The following TRANK1 variants were observed in gnomAD, a reference collection of about 807,000 sequenced individuals.
TRANK1 encodes tetratricopeptide repeat and ankyrin repeat containing 1, also known as TPR and ankyrin repeat-containing protein 1.
In TRANK1, 198 loss-of-function variants were observed where a neutral mutation model predicts 266.0. The observed-to-expected ratio is 0.74, with a 90% CI of 0.66 to 0.84. The LOEUF is 0.84. Among genes scored for constraint, TRANK1 ranks in the 40% least tolerant of loss-of-function variants. TRANK1 has a pLI of 0.00. For missense variants in TRANK1, 3,326 were observed against 3,634.6 expected (o/e 0.92, Z 2.18); for synonymous variants, 1,396 against 1,384.1 (o/e 1.01, Z -0.19).
rs1343833459 is a variant in TRANK1, at chr3:36,851,838, C to T, written c.4768G>A (p.Glu1590Lys). The T allele has an allele frequency of 6.2e-7, 1 of 1,602,152 alleles. No individual in the cohort carries two copies. Among genetic ancestry groups the T allele is most frequent in the African/African-American group, 1.3e-5 (1 of 74,686 alleles). ...GAHQVILVAN[E>K]TAKEKIPEEL... The stretch of plus-strand genomic sequence containing the variant: ...TCTGGAATTTTCTCCTTTGCCGTTT[C>T]ATTGGCCACAAGGATTACCTGAAGA... Residue 1590 changes from glutamate (E) to lysine (K), a missense_variant, in exon 15 of 24, where the codon GAA becomes AAA. Transcript: ENST00000645898.
chr3:36,856,889 C>T lies in TRANK1; in HGVS notation c.2833G>A (p.Val945Ile), dbSNP rs368536894. Reference protein sequence around the residue: ...YTEIIRIWDIVLDHCKLADSI... With the variant: ...YTEIIRIWDIILDHCKLADSI... Reference sequence around the variant, plus strand: ...TCAGCCAGTTTGCAGTGATCTAAGACGATGTCCCAAATCCGGATGATTTCC... The same window carrying T: ...TCAGCCAGTTTGCAGTGATCTAAGATGATGTCCCAAATCCGGATGATTTCC... The change falls in exon 13 of 24, where the codon GTC (valine) becomes ATC (isoleucine). Residue 945 changes from valine to isoleucine, a missense_variant. Physicochemically the swap from Val to Ile is conservative, Grantham distance 29. Transcript: ENST00000645898. The T allele has an allele frequency of 8.2e-5, 132 of 1,613,858 alleles. No individual in the cohort carries two copies. Among genetic ancestry groups the T allele is most frequent in the Middle Eastern group, 3.3e-4 (2 of 6,082 alleles).
In TRANK1 at chr3:36,827,500, T is replaced by G. The variant is rs1178469410; in HGVS notation, c.*775A>C. On this transcript the variant is annotated 3_prime_UTR_variant, in exon 24 of 24. Coordinates refer to ENST00000645898, the MANE Select transcript of TRANK1 (RefSeq NM_001329998.2). Reference sequence around the variant, plus strand: ...GTCTGCACCATAGCCAAGGCAGAGTTAGGACCACTTTGGAGAGGCAGCTGG... The same window carrying G: ...GTCTGCACCATAGCCAAGGCAGAGTGAGGACCACTTTGGAGAGGCAGCTGG... 6.6e-6 allele frequency: 1 copy of G among 152,264 alleles called. No individual in the cohort carries two copies. Among genetic ancestry groups the G allele is most frequent in the Non-Finnish European group, 1.5e-5 (1 of 68,070 alleles). 9.4% of individuals were successfully genotyped at this position (152,264 alleles called of 1,614,324 possible).
At chr3:36,912,410 G>T (rs2080065086) in intron 1 of TRANK1, among the ~76,000 whole-genome samples, 1 of 152,092 alleles carries the variant, frequency 6.6e-6, no homozygotes, top group Non-Finnish European at 1.5e-5. Context: ...AATCACTAGG[G>T]TATCTTATAT....
chr3:36,918,241 G>C (rs1322689574), intron 1 of TRANK1, among the ~76,000 whole-genome samples: 1 of 151,792 alleles, frequency 6.6e-6, no homozygotes, highest in Non-Finnish European at 1.5e-5. Context: ...GTGGTTACCA[G>C]GTACTATAAG....
rs1289034215 is a variant in TRANK1, at chr3:36,893,825, AC to A, written c.553-842del. Among the ~76,000 whole-genome samples, 7 of 151,478 alleles carry A rather than the reference AC, an allele frequency of 4.6e-5. 1 individual carries two copies. The highest frequency in any genetic ancestry group is 1.7e-4 in the African/African-American group (7 of 41,172). ...TATGGCTTTTGCCAGTGGACTTAGG[AC>A]CACAGGAACTGAGCCCATGGCCACA... On this transcript the variant is annotated intron_variant, in intron 5 of 23. Transcript: ENST00000645898.
chr3:36,924,371 A>C (rs1197354228), intron 1 of TRANK1, among the ~76,000 whole-genome samples: 1 of 152,208 alleles, frequency 6.6e-6, no homozygotes, highest in Non-Finnish European at 1.5e-5. Flanking sequence ...AAGTGCAATT[A>C]GTGCCCTGAA....
At position 36,833,887 on chromosome 3, in the gene TRANK1, G is replaced by A. The variant is rs766996505; in HGVS notation, c.5696C>T (p.Pro1899Leu). ...YEEMLKTKTL[P>L]ISKLSYSASQ... ...GGCAGAATAGGAGAGCTTGGAAATGGGAAGGGTCTTAGTCTTTAGCATTTC... is the reference window on the plus strand; with the variant it reads ...GGCAGAATAGGAGAGCTTGGAAATGAGAAGGGTCTTAGTCTTTAGCATTTC... Residue 1899 changes from proline (P) to leucine (L), a missense_variant, in exon 22 of 24, where the codon CCC (proline) becomes CTC (leucine). By Grantham distance (98) the Pro-to-Leu change is moderately conservative (BLOSUM62 -3). Coordinates refer to ENST00000645898, the MANE Select transcript of TRANK1 (RefSeq NM_001329998.2). 6.2e-7 allele frequency: 1 copy of A among 1,613,204 alleles called. No homozygotes were observed. The highest frequency in any genetic ancestry group is 1.1e-5 in the South Asian group (1 of 91,052).
intron 2 of TRANK1, 81 bp from the exon 3 acceptor site, chr3:36,903,356 T>C: frequency 6.8e-7 from 1 of 1,472,080 alleles, no homozygotes; most frequent in Non-Finnish European, 9.0e-7. Context: ...CGGTGCTGGC[T>C]GCTGCCATCA....
At chr3:36,891,321 C>T (rs2079692084) in intron 7 of TRANK1, among the ~76,000 whole-genome samples, 1 of 152,032 alleles carries the variant, frequency 6.6e-6, no homozygotes, top group African/African-American at 2.4e-5. Context: ...CCAGCCTGGG[C>T]AATGGAGTGA....
At chr3:36,851,476 A>G (rs778773921) in intron 15 of TRANK1, 42 of 1,250,564 alleles carry the variant, frequency 3.4e-5, no homozygotes, top group Non-Finnish European at 3.9e-5. Flanking sequence ...TGGGTACTAG[A>G]GAGCCAAAGA....
At chr3:36,916,822 G>GT (rs1047665467) in intron 1 of TRANK1, among the ~76,000 whole-genome samples, 2 of 145,374 alleles carry the variant, frequency 1.4e-5, no homozygotes, top group Non-Finnish European at 3.0e-5. Context: ...TTTGTTTTTT[G>GT]TTTTTTTGAA....
intron 20 of TRANK1, among the ~76,000 whole-genome samples, chr3:36,835,318 CAAAAAAAAAAAAAAA>C (rs33954737): frequency 4.9e-4 from 33 of 67,848 alleles, no homozygotes; most frequent in African/African-American, 1.6e-3. Context: ...GACTCCGTCT[CAAAAAAAAAAAAAAA>C]AAAAAAAAAA....
At chr3:36,914,392 C>A (rs1221803025) in intron 1 of TRANK1, among the ~76,000 whole-genome samples, 1 of 150,874 alleles carries the variant, frequency 6.6e-6, no homozygotes, top group Non-Finnish European at 1.5e-5. Context: ...GGTGATCCCT[C>A]GGTCTTCCAA....
rs770532632 is a variant in TRANK1 at position 36,830,978 on chromosome 3, C to T, written c.8605G>A (p.Val2869Met). Residue 2869 changes from valine to methionine, a missense_variant, in exon 22 of 24, where the codon GTG becomes ATG. Coordinates refer to ENST00000645898, the MANE Select transcript of TRANK1 (RefSeq NM_001329998.2). ...ATGTGGCTGTGCTCCTTGGAGCCCA[C>T]GTGACTGTGGATCCATACACTTTGC... ...IEQSVWIHSH[V>M]GSKEHSHMLQ... is the part of the protein sequence containing the mutation. The T allele has an allele frequency of 8.6e-5, 138 of 1,613,924 alleles. No individual in the cohort carries two copies. Among genetic ancestry groups the T allele is most frequent in the Non-Finnish European group, 1.1e-4 (135 of 1,179,912 alleles).
Position 36,851,745 on chromosome 3 carries a change from G to A in TRANK1, c.4861C>T (p.Leu1621Phe), listed in dbSNP as rs561752183. 3.1e-6 allele frequency: 5 copies of A among 1,613,224 alleles called. No individual in the cohort carries two copies. The highest frequency in any genetic ancestry group is 3.4e-6 in the Non-Finnish European group (4 of 1,179,670). Residue 1621 changes from leucine to phenylalanine, a missense_variant, in exon 15 of 24, where the codon CTT (leucine) becomes TTT (phenylalanine). Leu to Phe is a conservative substitution (Grantham distance 22). Transcript: ENST00000645898. ...TCAGAATCAGTAAAAAAGTTGTAAA[G>A]GAGGACATCATCAAATTCTAAGCCT... is the stretch of plus-strand genomic sequence containing the variant. ...AKGLEFDDVL[L>F]YNFFTDSEAY...
chr3:36,944,709 C>A, intron 1 of TRANK1, 78 bp downstream of exon 1: 6 of 1,475,816 alleles, frequency 4.1e-6, no homozygotes, highest in South Asian at 1.2e-5. Flanking sequence ...AGTCCCCGCG[C>A]GCGGCCGCCT....
In TRANK1 at chr3:36,856,385, C is replaced by A. The variant is rs1559431013; in HGVS notation, c.3337G>T (p.Val1113Phe). ...QAGSPLLAKQVWLKRRLEVEP... is the reference protein window; with the variant it reads ...QAGSPLLAKQFWLKRRLEVEP... ...ACTTCCAACCTTCTCTTCAGCCAGA[C>A]CTGTTTGGCCAGCAATGGGCTTCCT... Residue 1113 changes from valine (V) to phenylalanine (F), a missense_variant, in exon 13 of 24, where the codon GTC (valine) becomes TTC (phenylalanine). Transcript: ENST00000645898. 3 of 1,598,680 alleles carry A rather than the reference C, an allele frequency of 1.9e-6. No individual in the cohort carries two copies. In the South Asian group the frequency reaches 3.3e-5, roughly 18 times the overall value.
At chr3:36,912,792 C>G (rs2080070879) in intron 1 of TRANK1, among the ~76,000 whole-genome samples, 1 of 152,144 alleles carries the variant, frequency 6.6e-6, no homozygotes, top group Non-Finnish European at 1.5e-5. Flanking sequence ...GGGGTTATTA[C>G]TGAAATGGGC....
At chr3:36,893,435 T>C (rs1041902916) in intron 5 of TRANK1, among the ~76,000 whole-genome samples, 2 of 152,180 alleles carry the variant, frequency 1.3e-5, no homozygotes, top group Non-Finnish European at 2.9e-5. Context: ...CTGTCAATGG[T>C]GTGCTGCAGC....
Sources: allele counts gnomAD v4.1 joint callset (sites outside exome capture counted in the v4.1 genomes callset), GRCh38; gene constraint gnomAD v4.1.1; transcripts MANE v1.5; gene names NCBI Gene and HGNC (gene_info 2026-07-23, HGNC 2026-07-21).